ANKRD33: variants seen among roughly 807,000 people sequenced by gnomAD.
ANKRD33 encodes ankyrin repeat domain 33.
Under a neutral mutation model 20.6 loss-of-function variants are expected in ANKRD33, and 20 were observed. The ratio of observed to expected loss-of-function variants is 0.97; its 90% CI spans 0.68 to 1.41. The LOEUF (loss-of-function observed/expected upper bound fraction) is 1.41. Ranked by LOEUF, ANKRD33 falls within the 40% of genes most tolerant of loss-of-function variation. The probability of loss-of-function intolerance (pLI) is 0.00; values close to 1 mark genes in which losing one functional copy is unlikely to be tolerated. For missense variants in ANKRD33, 545 were observed against 579.6 expected (o/e 0.94, Z 0.61); for synonymous variants, 246 against 245.0 (o/e 1.00, Z -0.04).
chr12:51,889,099 C>T lies in ANKRD33; in HGVS notation c.429C>T (p.Phe143=). ...TCATGGTCGCATGCTACCACGGCTT[C>T]CAGAGTGTTGTGGCCCTGCTCAGCC... The part of the protein sequence containing the change: ...TGLMVACYHG[F]QSVVALLSHC... The change falls in exon 3 of 5, where the codon TTC becomes TTT. Residue 143 remains phenylalanine, a synonymous_variant. Coordinates refer to ENST00000301190, the MANE Select transcript of ANKRD33 (RefSeq NM_182608.4). 6.2e-7 allele frequency: 1 copy of T among 1,614,190 alleles called. No homozygotes were observed. Among genetic ancestry groups the T allele is most frequent in the Non-Finnish European group, 8.5e-7 (1 of 1,180,018 alleles).
rs1314023751 is a variant in ANKRD33 at position 51,890,744 on chromosome 12, G to C, written c.798G>C (p.Leu266Phe). 1 of 1,604,326 alleles carries C rather than the reference G, an allele frequency of 6.2e-7. No individual in the cohort carries two copies. The highest frequency in any genetic ancestry group is 1.1e-5 in the South Asian group (1 of 91,020). ...ACTACAAGCCCGAGTGGCCGGCCTT[G>C]TCCGGGCTCGTGGCCCAGGCCCAGG... is the stretch of plus-strand genomic sequence containing the variant. ...SQHYKPEWPA[L>F]SGLVAQAQAQ... Residue 266 changes from leucine (L) to phenylalanine (F), a missense_variant, in exon 5 of 5, where the codon TTG becomes TTC. Transcript: ENST00000301190.
At chr12:51,890,424 C>A in intron 4 of ANKRD33, 160 bp from the exon 5 acceptor site, 8 of 1,501,352 alleles carry the variant, frequency 5.3e-6, no homozygotes, top group Non-Finnish European at 7.2e-6. Context: ...CTCTCTTAAA[C>A]AGGAGGTTGC....
chr12:51,889,203 GGCT>G lies in ANKRD33; in HGVS notation c.526+13_526+15del. 6.2e-7 allele frequency: 1 copy of G among 1,614,156 alleles called. No individual in the cohort carries two copies. The highest frequency in any genetic ancestry group is 1.1e-5 in the South Asian group (1 of 91,076). On this transcript the variant is annotated splice_region_variant and intron_variant, in intron 3 of 4. Coordinates refer to ENST00000301190, the MANE Select transcript of ANKRD33 (RefSeq NM_182608.4). ...ATGTTGGCTGCCCAAGCAGGTGTGA[GGCT>G]GCTGCACCCCACTTCCGACAGCCCC...
Position 51,891,606 on chromosome 12 carries a change from G to C in ANKRD33, c.*301G>C, listed in dbSNP as rs1430249067. 1.0e-5 allele frequency: 4 copies of C among 397,792 alleles called. No homozygotes were observed. The highest frequency in any genetic ancestry group is 7.9e-5 in the African/African-American group (4 of 50,770). The allele number at this position is 397,792 out of a possible 1,614,324, so 24.6% of individuals were successfully genotyped here. On this transcript the variant is annotated 3_prime_UTR_variant, in exon 5 of 5. Coordinates refer to ENST00000301190, the MANE Select transcript of ANKRD33 (RefSeq NM_182608.4). The stretch of plus-strand genomic sequence containing the variant: ...AGACTAAGGAAGCTGTTTATATTCT[G>C]ATATGAAACTACCATCAAGATGTAT...
chr12:51,889,715 G>A, intron 4 of ANKRD33: 1 of 765,812 alleles, frequency 1.3e-6, no homozygotes, highest in Non-Finnish European at 2.0e-6. Context: ...CTCAGACATT[G>A]TGTGTGGAGG....
At position 51,891,214 on chromosome 12, in the gene ANKRD33, A is replaced by G. The variant is rs760086026; in HGVS notation, c.1268A>G (p.His423Arg). ...CAGCCGAAGCCCAGTCCTTCAGGACACCAAAGTCTGGCCCTTCCTCTCTGG... is the reference window on the plus strand; with the variant it reads ...CAGCCGAAGCCCAGTCCTTCAGGACGCCAAAGTCTGGCCCTTCCTCTCTGG... ...QCQPKPSPSGHQSLALPLWRY... is the reference protein window; with the variant it reads ...QCQPKPSPSGRQSLALPLWRY... Residue 423 changes from histidine to arginine, a missense_variant, in exon 5 of 5, where the codon CAC (histidine) becomes CGC (arginine). By Grantham distance (29) the His-to-Arg change is conservative (BLOSUM62 0). Coordinates refer to ENST00000301190, the MANE Select transcript of ANKRD33 (RefSeq NM_182608.4). 6.2e-7 allele frequency: 1 copy of G among 1,614,254 alleles called. No homozygotes were observed.
Position 51,890,968 on chromosome 12 carries a change from C to T in ANKRD33, c.1022C>T (p.Ser341Phe), listed in dbSNP as rs766715481. ...CCTTCGCTGGGCACCCGAAGCAAGT[C>T]CGTGCCAGAGCTGTTAGGTACTGCC... ...HPPSLGTRSK[S>F]VPELLGTAPP... is the part of the protein sequence containing the mutation. Residue 341 changes from serine (S) to phenylalanine (F), a missense_variant, in exon 5 of 5, where the codon TCC (serine) becomes TTC (phenylalanine). Ser to Phe is a radical substitution (Grantham distance 155). Coordinates refer to ENST00000301190, the MANE Select transcript of ANKRD33 (RefSeq NM_182608.4). The T allele has an allele frequency of 6.2e-7, 1 of 1,613,652 alleles. No individual in the cohort carries two copies. The highest frequency in any genetic ancestry group is 1.1e-5 in the South Asian group (1 of 91,076).
chr12:51,889,228 C>T (rs750583112), intron 3 of ANKRD33, 32 bp downstream of exon 3: 3 of 1,613,874 alleles, frequency 1.9e-6, no homozygotes, highest in Admixed American at 3.3e-5. Context: ...CTTCCGACAG[C>T]CCCCTTTTGA....
chr12:51,891,383 G>A lies in ANKRD33; in HGVS notation c.*78G>A, dbSNP rs752370791. On this transcript the variant is annotated 3_prime_UTR_variant, in exon 5 of 5. Coordinates refer to ENST00000301190, the MANE Select transcript of ANKRD33 (RefSeq NM_182608.4). Reference sequence around the variant, plus strand: ...CTTCTTTCCCCTCTGGAGTGCCTCCGGCCTCCCCATCCACCTCTGCCTAAG... The same window carrying A: ...CTTCTTTCCCCTCTGGAGTGCCTCCAGCCTCCCCATCCACCTCTGCCTAAG... 6.6e-6 allele frequency: 10 copies of A among 1,517,500 alleles called. No homozygotes were observed. Among genetic ancestry groups the A allele is most frequent in the Admixed American group, 6.3e-5 (3 of 47,488 alleles). The allele number at this position is 1,517,500 out of a possible 1,614,324, so 94.0% of individuals were successfully genotyped here.
chr12:51,888,983 G>A (rs1940316464), intron 2 of ANKRD33, 84 bp from the exon 3 acceptor site: 10 of 1,596,438 alleles, frequency 6.3e-6, no homozygotes, highest in Non-Finnish European at 8.5e-6. Context: ...GGCAGGCTCT[G>A]GGACAGATAT....
At chr12:51,888,879 C>T (rs1309302808) in intron 2 of ANKRD33, 61 bp downstream of exon 2, 1 of 1,603,182 alleles carries the variant, frequency 6.2e-7, no homozygotes, top group East Asian at 2.2e-5. Flanking sequence ...CCACACCGTC[C>T]TGGCCTGGCT....
rs748051827 is a variant in ANKRD33, at chr12:51,888,686, G to C, written c.264G>C (p.Glu88Asp). 3 of 1,612,906 alleles carry C rather than the reference G, an allele frequency of 1.9e-6. No homozygotes were observed. Among genetic ancestry groups the C allele is most frequent in the East Asian group, 2.2e-5 (1 of 44,858 alleles). The change falls in exon 2 of 5, where the codon GAG becomes GAC. Residue 88 changes from glutamate (E) to aspartate (D), a missense_variant. Transcript: ENST00000301190. Reference sequence around the variant, plus strand: ...AGGCACTGCCCTGCCCGGGCAAGGAGACCCCCACCCCAGGCTGCAGGCTGG... The same window carrying C: ...AGGCACTGCCCTGCCCGGGCAAGGACACCCCCACCCCAGGCTGCAGGCTGG... Reference protein sequence around the residue: ...MSEALPCPGKETPTPGCRLGA... With the variant: ...MSEALPCPGKDTPTPGCRLGA...
rs1481915734 is a variant in ANKRD33, at chr12:51,890,798, A to C, written c.852A>C (p.Leu284=). The C allele has an allele frequency of 3.1e-6, 5 of 1,607,310 alleles. No homozygotes were observed. Among genetic ancestry groups the C allele is most frequent in the Non-Finnish European group, 4.2e-6 (5 of 1,179,340 alleles). Reference sequence around the variant, plus strand: ...AGGCCCAGGTTGCCCCTTCACTCCTAGAACGGCTGCAGGCTACCTTGAGCC... The same window carrying C: ...AGGCCCAGGTTGCCCCTTCACTCCTCGAACGGCTGCAGGCTACCTTGAGCC... The part of the protein sequence containing the change: ...QAQAQVAPSL[L]ERLQATLSLP... The change falls in exon 5 of 5, where the codon CTA becomes CTC. Residue 284 remains leucine (L), a synonymous_variant. Transcript: ENST00000301190.
chr12:51,889,660 C>T (rs1940346804), intron 4 of ANKRD33, 178 bp downstream of exon 4: 1 of 1,225,034 alleles, frequency 8.2e-7, no homozygotes, highest in Non-Finnish European at 1.1e-6. Context: ...GGGGGGGGCA[C>T]ATGATTTGGG....
In ANKRD33 at chr12:51,888,630, G is replaced by A. The variant is rs755881373; in HGVS notation, c.208G>A (p.Ala70Thr). Residue 70 changes from alanine to threonine, a missense_variant, in exon 2 of 5, where the codon GCA (alanine) becomes ACA (threonine). Physicochemically the swap from Ala to Thr is moderately conservative, Grantham distance 58. Transcript: ENST00000301190. Reference protein sequence around the residue: ...LVPCLEEEELALHRRRLDMSE... With the variant: ...LVPCLEEEELTLHRRRLDMSE... ...TCCCTGCCTGGAAGAGGAAGAGCTG[G>A]CATTGCACAGGAGACGGCTGGACAT... The A allele has an allele frequency of 6.3e-7, 1 of 1,589,844 alleles. No homozygotes were observed. The highest frequency in any genetic ancestry group is 8.6e-7 in the Non-Finnish European group (1 of 1,168,936).
rs1413304038 is a variant in ANKRD33, at chr12:51,888,603, G to T, written c.181G>T (p.Val61Phe). Residue 61 changes from valine to phenylalanine, a missense_variant, in exon 2 of 5, where the codon GTT (valine) becomes TTT (phenylalanine). Transcript: ENST00000301190. ...CATGAGAAAAGGGACTCACCTTCTG[G>T]TTCCCTGCCTGGAAGAGGAAGAGCT... The part of the protein sequence containing the change: ...SCMRKGTHLL[V>F]PCLEEEELAL... The T allele has an allele frequency of 1.9e-6, 3 of 1,568,582 alleles. 1 individual carries two copies. The highest frequency in any genetic ancestry group is 1.2e-5 in the South Asian group (1 of 84,346).
In ANKRD33 at chr12:51,890,691, CG is replaced by C; in HGVS notation, c.747del (p.Gln251LysfsTer34). 1 of 1,604,576 alleles carries C rather than the reference CG, an allele frequency of 6.2e-7. No individual in the cohort carries two copies. Among genetic ancestry groups the C allele is most frequent in the South Asian group, 1.1e-5 (1 of 91,086 alleles). ...GTGGAGGATTCGGCAGCTGCTGAGG[CG>C]GCCCCAAGTGGAGCAGCTTAGCCAG... ...TVWRIRQLLR[R>X]PQVEQLSQHY... On this transcript the variant is annotated frameshift_variant, in exon 5 of 5. Coordinates refer to ENST00000301190, the MANE Select transcript of ANKRD33 (RefSeq NM_182608.4). LOFTEE classifies it low-confidence loss of function (END_TRUNC).
chr12:51,888,557 CTG>C lies in ANKRD33; in HGVS notation c.146-7_146-6del. 1.9e-6 allele frequency: 3 copies of C among 1,545,874 alleles called. No individual in the cohort carries two copies. Among genetic ancestry groups the C allele is most frequent in the Non-Finnish European group, 2.6e-6 (3 of 1,149,400 alleles). On this transcript the variant is annotated splice_polypyrimidine_tract_variant and intron_variant, in intron 1 of 4. Coordinates refer to ENST00000301190, the MANE Select transcript of ANKRD33 (RefSeq NM_182608.4). ...GAGACACTCACTACTCCTCTCCATT[CTG>C]TGTTTTAGATGCCAGCTGCATGAGA...
rs1417532823 is a variant in ANKRD33 at position 51,890,780 on chromosome 12, G to A, written c.834G>A (p.Gln278=). 6.2e-7 allele frequency: 1 copy of A among 1,605,786 alleles called. No homozygotes were observed. Among genetic ancestry groups the A allele is most frequent in the East Asian group, 2.2e-5 (1 of 44,816 alleles). Residue 278 remains glutamine (Q), a synonymous_variant, in exon 5 of 5, where the codon CAG becomes CAA. Coordinates refer to ENST00000301190, the MANE Select transcript of ANKRD33 (RefSeq NM_182608.4). ...GLVAQAQAQA[Q]VAPSLLERLQ... Reference sequence around the variant, plus strand: ...TGGCCCAGGCCCAGGCCCAGGCCCAGGTTGCCCCTTCACTCCTAGAACGGC... The same window carrying A: ...TGGCCCAGGCCCAGGCCCAGGCCCAAGTTGCCCCTTCACTCCTAGAACGGC...
Sources: allele counts gnomAD v4.1 joint callset, GRCh38; gene constraint gnomAD v4.1.1; transcripts MANE v1.5; gene names NCBI Gene and HGNC (gene_info 2026-07-23, HGNC 2026-07-21).